NXN: variants seen among roughly 807,000 people sequenced by gnomAD.
The protein encoded by NXN is nucleoredoxin, also known as nucleoredoxin 1.
NXN carries 16 observed loss-of-function variants against 48.6 expected under a neutral mutation model. The observed-to-expected ratio is 0.33, with a 90% CI of 0.22 to 0.50. The LOEUF (loss-of-function observed/expected upper bound fraction) is 0.50, where lower values mean the gene tolerates loss of function less well. Among genes scored for constraint, NXN ranks in the 20% least tolerant of loss-of-function variants. NXN has a pLI of 0.98. For synonymous variants in NXN, 281 were observed against 269.6 expected (o/e 1.04, Z -0.41); for missense variants, 492 against 605.5 (o/e 0.81, Z 1.97).
At chr17:976,599 T>C (rs2069461436) in intron 1 of NXN, among the ~76,000 whole-genome samples, 2 of 152,250 alleles carry the variant, frequency 1.3e-5, no homozygotes, top group South Asian at 4.1e-4. Context: ...TGTTCACCCA[T>C]CCAGTGCCCT....
intron 1 of NXN, among the ~76,000 whole-genome samples, chr17:842,994 AAGAGAGAAAG>A (rs1203046295): frequency 2.1e-4 from 23 of 110,382 alleles, no homozygotes; most frequent in African/African-American, 7.5e-4. Context: ...GAAAGAGAGA[AAGAGAGAAAG>A]AGAGAAAGAA....
intron 5 of NXN, among the ~76,000 whole-genome samples, chr17:810,035 GTGTGAGTGGCGTGCACGTTACGAGTCCC>G (rs1911848865): frequency 1.6e-3 from 167 of 101,432 alleles, no homozygotes; most frequent in Admixed American, 3.4e-3. Context: ...TTAAGAGTCC[GTGTGAGTGGCGTGCACGTTACGAGTCCC>G]TGTGAGTGGC....
intron 1 of NXN, among the ~76,000 whole-genome samples, chr17:948,726 C>A (rs1037799417): frequency 3.3e-5 from 5 of 151,892 alleles, no homozygotes; most frequent in South Asian, 2.1e-4. Context: ...CCCGCCCCAG[C>A]GCTCGGAGGC....
chr17:800,799 G>C lies in NXN; in HGVS notation c.*150C>G. On this transcript the variant is annotated 3_prime_UTR_variant, in exon 8 of 8. Transcript: ENST00000336868. ...TCCACACCCCAGGGTGCTGGCTGAG[G>C]AGTTTACTGCAGAAACAAGGCACCA... The C allele has an allele frequency of 2.2e-6, 1 of 450,704 alleles. No individual in the cohort carries two copies. The highest frequency in any genetic ancestry group is 3.8e-6 in the Non-Finnish European group (1 of 265,068). The allele number at this position is 450,704 out of a possible 1,614,324, so 27.9% of individuals were successfully genotyped here. A position where few individuals can be genotyped will look rare whatever the true frequency, so the allele number is the denominator to read the frequency against.
At chr17:878,516 T>C (rs1261622592) in intron 1 of NXN, among the ~76,000 whole-genome samples, 2 of 108,704 alleles carry the variant, frequency 1.8e-5, no homozygotes, top group South Asian at 4.2e-4. Flanking sequence ...GAAGGTGGGG[T>C]TTGGGGGCAG....
intron 1 of NXN, chr17:911,357 T>TTTTTTTTA (rs1245872794): frequency 6.9e-6 from 1 of 145,564 alleles, no homozygotes; most frequent in African/African-American, 2.5e-5. Flanking sequence ...TTTTTTTTTT[T>TTTTTTTTA]GAGACGGAGT....
intron 1 of NXN, chr17:911,040 T>C (rs1355377602): frequency 2.0e-5 from 3 of 152,128 alleles, no homozygotes; most frequent in African/African-American, 7.2e-5. Flanking sequence ...ACTCTGCCAA[T>C]AGTGTGTCCT....
At position 823,743 on chromosome 17, in the gene NXN, C is replaced by T. The variant is rs550416616; in HGVS notation, c.501G>A (p.Pro167=). The part of the protein sequence containing the change: ...DPEGLEFPWG[P]KPFREVIAGP... The stretch of plus-strand genomic sequence containing the variant: ...CTGCAATGACTTCCCTGAAGGGTTT[C>T]GGTCCCCAGGGGAACTCCAGACCTG... Residue 167 remains proline, a synonymous_variant, in exon 3 of 8, where the codon CCG becomes CCA. Coordinates refer to ENST00000336868, the MANE Select transcript of NXN (RefSeq NM_022463.5). The T allele has an allele frequency of 5.3e-4, 849 of 1,614,104 alleles. 12 individuals carry two copies. The South Asian group carries it at 8.1e-3, about 15-fold the overall frequency.
intron 5 of NXN, among the ~76,000 whole-genome samples, chr17:813,611 T>A (rs907221412): frequency 6.6e-6 from 1 of 152,270 alleles, no homozygotes; most frequent in African/African-American, 2.4e-5. Context: ...GCCACTGACG[T>A]TTCTGTGTGT....
intron 1 of NXN, among the ~76,000 whole-genome samples, chr17:889,697 GAA>G (rs1363527693): frequency 1.4e-4 from 15 of 110,458 alleles, no homozygotes; most frequent in African/African-American, 3.7e-4. Flanking sequence ...AAGAAAGAAA[GAA>G]AAAGAAAGAA....
chr17:868,523 G>A (rs948323248), intron 1 of NXN, among the ~76,000 whole-genome samples: 4 of 151,708 alleles, frequency 2.6e-5, no homozygotes, highest in South Asian at 2.1e-4. Context: ...ACGGAGTCTC[G>A]CTCTGTCGCC....
At chr17:902,521 C>A (rs562191321) in intron 1 of NXN, among the ~76,000 whole-genome samples, 2 of 152,248 alleles carry the variant, frequency 1.3e-5, no homozygotes, top group Admixed American at 6.5e-5. Context: ...GTCCCCTCCC[C>A]CAAAAGGTGA....
chr17:917,433 G>A lies in NXN; in HGVS notation c.360+61886C>T, dbSNP rs1353229749. On this transcript the variant is annotated intron_variant, in intron 1 of 7. Coordinates refer to ENST00000336868, the MANE Select transcript of NXN (RefSeq NM_022463.5). This position sits in a 1 kb window ranked among gnomAD's most constrained non-coding sequence, Gnocchi z 4.5. ...TGGGCCTCTGAAAGAACAGGCGGGA[G>A]CCGCCGCTCACATCTTTACTCATGA... Among the ~76,000 whole-genome samples, 2 of 152,256 alleles carry A rather than the reference G, an allele frequency of 1.3e-5. No homozygotes were observed. The highest frequency in any genetic ancestry group is 4.8e-5 in the African/African-American group (2 of 41,474).
At position 901,851 on chromosome 17, in the gene NXN, C is replaced by G. The variant is rs185325911; in HGVS notation, c.361-75773G>C. ...AGTAGTTGGGATTACAGGCACCCAC[C>G]ATCATGCCCAGCTAATTTTTGTATT... On this transcript the variant is annotated intron_variant, in intron 1 of 7. Coordinates refer to ENST00000336868, the MANE Select transcript of NXN (RefSeq NM_022463.5). Among the ~76,000 whole-genome samples the G allele has an allele frequency of 6.7e-4, 102 of 152,288 alleles. No individual in the cohort carries two copies. In the East Asian group the frequency reaches 0.017, roughly 25 times the overall value.
At position 932,400 on chromosome 17, in the gene NXN, T is replaced by C. The variant is rs1267847161; in HGVS notation, c.360+46919A>G. On this transcript the variant is annotated intron_variant, in intron 1 of 7. Transcript: ENST00000336868. This position sits in a 1 kb window ranked among gnomAD's most constrained non-coding sequence, Gnocchi z 4.1. ...ACCTACCAAGTCAAGAACTCTGGGA[T>C]GGGGCCCAGGAATCCGCATTTAACC... Among the ~76,000 whole-genome samples the C allele has an allele frequency of 6.6e-6, 1 of 152,158 alleles. No homozygotes were observed. The highest frequency in any genetic ancestry group is 1.5e-5 in the Non-Finnish European group (1 of 68,034).
At chr17:845,725 G>A (rs529326953) in intron 1 of NXN, among the ~76,000 whole-genome samples, 4 of 152,338 alleles carry the variant, frequency 2.6e-5, no homozygotes, top group South Asian at 4.1e-4. Context: ...ATAGGCAGGC[G>A]GATATTCCAT....
chr17:854,697 G>A (rs964983004), intron 1 of NXN, among the ~76,000 whole-genome samples: 21 of 149,198 alleles, frequency 1.4e-4, no homozygotes, highest in African/African-American at 4.2e-4. Flanking sequence ...GGTGGCTCAC[G>A]CCTGTAATCC....
chr17:854,009 T>C (rs985332672), intron 1 of NXN, among the ~76,000 whole-genome samples: 9 of 151,968 alleles, frequency 5.9e-5, no homozygotes, highest in South Asian at 4.2e-4. Context: ...CGTGAGCCAC[T>C]GCGCCCGGCC....
rs140356549 is a variant in NXN at position 966,310 on chromosome 17, C to CT, written c.360+13008dup. 6.2e-3 allele frequency among the ~76,000 whole-genome samples: 935 copies of CT among 150,162 alleles called. 4 individuals are homozygous for CT. Among genetic ancestry groups the CT allele is most frequent in the East Asian group, 0.02 (100 of 5,116 alleles). On this transcript the variant is annotated intron_variant, in intron 1 of 7. Transcript: ENST00000336868. ...CATTATGAGATTTTTTTGCTATTTG[C>CT]TTTTTTTTTAGCTCATCAGCTATCA...
Sources: gnomAD v4.1 joint callset for allele counts (sites outside exome capture counted in the v4.1 genomes callset) on GRCh38, gnomAD v4.1.1 for gene constraint, Gnocchi (gnomAD v3.1) non-coding constraint, MANE v1.5 for transcripts, NCBI Gene and HGNC (gene_info 2026-07-23, HGNC 2026-07-21) for gene names.